PPP1R12B: variants seen among roughly 807,000 people sequenced by gnomAD.
The protein encoded by PPP1R12B is myosin phosphatase target subunit 2.
PPP1R12B carries 76 observed loss-of-function variants against 126.1 expected under a neutral mutation model. The observed-to-expected ratio is 0.60, with a 90% CI of 0.50 to 0.73. The LOEUF (loss-of-function observed/expected upper bound fraction) is 0.73. Ranked by LOEUF, PPP1R12B falls within the 30% of genes least tolerant of loss-of-function variation. The pLI is 0.00. For synonymous variants in PPP1R12B, 356 were observed against 434.7 expected (o/e 0.82, Z 2.25); for missense variants, 1,052 against 1,205.1 (o/e 0.87, Z 1.88).
chr1:202,487,550 A>G (rs1678310826), intron 13 of PPP1R12B, among the ~76,000 whole-genome samples: 1 of 152,254 alleles, frequency 6.6e-6, no homozygotes, highest in Non-Finnish European at 1.5e-5. Context: ...TTCTGTGTGA[A>G]CAGTAATACA....
chr1:202,354,961 G>A (rs1656797008), intron 1 of PPP1R12B, among the ~76,000 whole-genome samples: 1 of 152,120 alleles, frequency 6.6e-6, no homozygotes, highest in Admixed American at 6.5e-5. Context: ...GAGTAGCTGG[G>A]ACCGCAGGTG....
At chr1:202,558,618 G>C in intron 18 of PPP1R12B, 1 of 390,136 alleles carries the variant, frequency 2.6e-6, no homozygotes, top group Non-Finnish European at 4.6e-6. Flanking sequence ...CTAACTTCTA[G>C]TTTAAAAAGG....
chr1:202,440,169 T>C lies in PPP1R12B; in HGVS notation c.1459-537T>C, dbSNP rs1438928121. The stretch of plus-strand genomic sequence containing the variant: ...TAGTTCCAGATTTTATAGGACTCTC[T>C]TTGTGCTTTTCTCTGGGGTCACATC... On this transcript the variant is annotated intron_variant, in intron 10 of 23. Transcript: ENST00000608999. 2.6e-5 allele frequency among the ~76,000 whole-genome samples: 4 copies of C among 152,202 alleles called. 1 individual carries two copies. In the East Asian group the frequency reaches 5.8e-4, roughly 22 times the overall value.
chr1:202,539,344 A>T (rs1453672343), intron 18 of PPP1R12B, among the ~76,000 whole-genome samples: 1 of 152,128 alleles, frequency 6.6e-6, no homozygotes, highest in African/African-American at 2.4e-5. Context: ...TCTGAGTTGA[A>T]AGTGAATCTT....
intron 13 of PPP1R12B, among the ~76,000 whole-genome samples, chr1:202,472,824 T>G (rs2148796317): frequency 6.6e-6 from 1 of 152,336 alleles, no homozygotes; most frequent in East Asian, 1.9e-4. Flanking sequence ...TCAAGCCACA[T>G]GGTTTCTGTT....
chr1:202,441,111 G>C (rs189010414), intron 11 of PPP1R12B, among the ~76,000 whole-genome samples: 155 of 152,252 alleles, frequency 1.0e-3, no homozygotes, highest in African/African-American at 3.4e-3. Context: ...AGGACCCCTA[G>C]TTCCTAGCAC....
intron 1 of PPP1R12B, among the ~76,000 whole-genome samples, chr1:202,362,405 A>G (rs61821703): frequency 0.014 from 2,130 of 152,316 alleles, 23 homozygotes; most frequent in Non-Finnish European, 0.02. Flanking sequence ...GAATCATTTC[A>G]CCTGTTGAAG....
At chr1:202,376,851 A>G (rs1164250519) in intron 1 of PPP1R12B, among the ~76,000 whole-genome samples, 1 of 152,132 alleles carries the variant, frequency 6.6e-6, no homozygotes, top group East Asian at 1.9e-4. Flanking sequence ...TGGGAGGTGA[A>G]TCTTTTACAC....
chr1:202,367,486 C>CTT (rs1320723683), intron 1 of PPP1R12B, among the ~76,000 whole-genome samples: 2 of 152,286 alleles, frequency 1.3e-5, no homozygotes, highest in Admixed American at 1.3e-4. Flanking sequence ...CAGTACTTGT[C>CTT]TTTCCCTTGT....
intron 13 of PPP1R12B, among the ~76,000 whole-genome samples, chr1:202,471,292 C>T (rs1675838696): frequency 6.6e-6 from 1 of 151,568 alleles, no homozygotes; most frequent in Admixed American, 6.6e-5. Flanking sequence ...ACAATTATAC[C>T]ACAGTTTGTT....
At chr1:202,371,373 TA>T (rs1281559537) in intron 1 of PPP1R12B, among the ~76,000 whole-genome samples, 3 of 152,052 alleles carry the variant, frequency 2.0e-5, no homozygotes, top group Non-Finnish European at 4.4e-5. Flanking sequence ...CTTTTCTTTT[TA>T]ATATTAGCCA....
At chr1:202,549,858 A>G (rs1686134644) in intron 18 of PPP1R12B, among the ~76,000 whole-genome samples, 1 of 152,156 alleles carries the variant, frequency 6.6e-6, no homozygotes, top group African/African-American at 2.4e-5. Flanking sequence ...AAGGCTGGGC[A>G]CATACAGGTG....
chr1:202,546,129 G>A (rs1685631815), intron 18 of PPP1R12B, among the ~76,000 whole-genome samples: 1 of 152,214 alleles, frequency 6.6e-6, no homozygotes, highest in South Asian at 2.1e-4. Flanking sequence ...AGTATTCCGG[G>A]TGAGAAATGT....
chr1:202,567,736 A>G (rs374133323), intron 21 of PPP1R12B, 42 bp from the exon 22 acceptor site: 4 of 1,604,682 alleles, frequency 2.5e-6, no homozygotes, highest in African/African-American at 2.7e-5. Flanking sequence ...ACTGGCCCTT[A>G]GACAACTTAA....
At chr1:202,396,759 C>T (rs545643643) in intron 1 of PPP1R12B, among the ~76,000 whole-genome samples, 299 of 152,214 alleles carry the variant, frequency 2.0e-3, no homozygotes, top group Non-Finnish European at 3.7e-3. Flanking sequence ...ACTATAGGTG[C>T]GTGCCATCAT....
chr1:202,491,165 C>T (rs373312851), intron 14 of PPP1R12B, among the ~76,000 whole-genome samples: 6 of 152,232 alleles, frequency 3.9e-5, no homozygotes, highest in East Asian at 3.9e-4. Flanking sequence ...GCTCTTGTCA[C>T]GCAGGCCGGG....
At chr1:202,510,064 T>G (rs3767409) in intron 18 of PPP1R12B, among the ~76,000 whole-genome samples, 29,480 of 152,114 alleles carry the variant, frequency 0.19, 3,014 homozygotes, top group Non-Finnish European at 0.22. Flanking sequence ...ATATGTACTT[T>G]TAAAAAACTC....
In PPP1R12B at chr1:202,456,342, C is replaced by T. The variant is rs1428101925; in HGVS notation, c.1850+7171C>T. The stretch of plus-strand genomic sequence containing the variant: ...GAAAATACGTTTAGGAGGATAATTC[C>T]GACATGGTAGATGGAACTTATAAGG... On this transcript the variant is annotated intron_variant, in intron 13 of 23. Coordinates refer to ENST00000608999, the MANE Select transcript of PPP1R12B (RefSeq NM_002481.4). Among the ~76,000 whole-genome samples, 5 of 151,852 alleles carry T rather than the reference C, an allele frequency of 3.3e-5. No homozygotes were observed. The South Asian group carries it at 6.2e-4, about 19-fold the overall frequency.
chr1:202,482,425 T>G (rs553569741), intron 13 of PPP1R12B, among the ~76,000 whole-genome samples: 1 of 152,342 alleles, frequency 6.6e-6, no homozygotes, highest in African/African-American at 2.4e-5. Context: ...TTGATAATGG[T>G]CATTCTAAGT....
Sources: gnomAD v4.1 joint callset for allele counts (sites outside exome capture counted in the v4.1 genomes callset) on GRCh38, gnomAD v4.1.1 for gene constraint, MANE v1.5 for transcripts, NCBI Gene and HGNC (gene_info 2026-07-23, HGNC 2026-07-21) for gene names.